The following SULF2 variants were observed in gnomAD, a reference collection of about 807,000 sequenced individuals.
SULF2 encodes the protein extracellular sulfatase Sulf-2.
Under a neutral mutation model 107.7 loss-of-function variants are expected in SULF2, and 52 were observed. That is an observed-to-expected ratio of 0.48 (90% CI 0.39 to 0.61). The LOEUF is 0.61. Among genes scored for constraint, SULF2 ranks in the 20% least tolerant of loss-of-function variants. The pLI, the probability that SULF2 is intolerant of heterozygous loss-of-function variation, is 0.00. For synonymous variants in SULF2, 460 were observed against 464.3 expected, an observed-to-expected ratio of 0.99 and a Z score of 0.12; for missense variants, 993 against 1,177.3, an observed-to-expected ratio of 0.84 and a Z score of 2.29.
intron 1 of SULF2, among the ~76,000 whole-genome samples, 155 bp from the exon 2 acceptor site, chr20:47,757,618 A>C (rs937625065): frequency 2.0e-5 from 3 of 152,186 alleles, no homozygotes; most frequent in African/African-American, 7.2e-5. Flanking sequence ...CGCTGAAGTT[A>C]GCAAAGTCTT....
intron 3 of SULF2, among the ~76,000 whole-genome samples, chr20:47,718,496 G>A (rs2146683338): frequency 6.6e-6 from 1 of 152,206 alleles, no homozygotes; most frequent in East Asian, 1.9e-4. Flanking sequence ...TGGAGCTTCT[G>A]TCCTAGAATT....
rs185759396 is a variant in SULF2, at chr20:47,708,350, C to T, written c.416-5680G>A. 7.6e-4 allele frequency among the ~76,000 whole-genome samples: 116 copies of T among 152,074 alleles called. 1 individual carries two copies. Among genetic ancestry groups the T allele is most frequent in the African/African-American group, 2.7e-3 (112 of 41,466 alleles). ...GAAGCCAGTACAAACGTGGGGGCATCGCAGAACCCAAGGGGGACAGTGAGG... is the reference window on the plus strand; with the variant it reads ...GAAGCCAGTACAAACGTGGGGGCATTGCAGAACCCAAGGGGGACAGTGAGG... On this transcript the variant is annotated intron_variant, in intron 3 of 20. Coordinates refer to ENST00000688720, the MANE Select transcript of SULF2 (RefSeq NM_001387048.1).
intron 3 of SULF2, among the ~76,000 whole-genome samples, chr20:47,705,737 G>A (rs529807579): frequency 2.0e-5 from 3 of 152,098 alleles, no homozygotes; most frequent in African/African-American, 2.4e-5. Flanking sequence ...CAGCCCCCAC[G>A]CTACAAAGAC....
chr20:47,753,846 T>C (rs1296927178), intron 2 of SULF2, among the ~76,000 whole-genome samples: 1 of 152,172 alleles, frequency 6.6e-6, no homozygotes, highest in African/African-American at 2.4e-5. Context: ...TTCTACTGCC[T>C]CCCTGAACAA....
chr20:47,774,696 GC>G (rs2090694080), intron 1 of SULF2, among the ~76,000 whole-genome samples: 1 of 152,162 alleles, frequency 6.6e-6, no homozygotes, highest in Non-Finnish European at 1.5e-5. Context: ...CAGGGGCGGT[GC>G]AGAGATTTCT....
At chr20:47,740,652 C>T (rs1319991083) in intron 2 of SULF2, among the ~76,000 whole-genome samples, 1 of 152,048 alleles carries the variant, frequency 6.6e-6, no homozygotes, top group Non-Finnish European at 1.5e-5. Flanking sequence ...AAAACAACAA[C>T]AACAACAAAC....
intron 1 of SULF2, among the ~76,000 whole-genome samples, chr20:47,761,217 C>T (rs2090411937): frequency 6.6e-6 from 1 of 152,166 alleles, no homozygotes; most frequent in Admixed American, 6.5e-5. Context: ...ATTATTAGCC[C>T]CAGAGAAAAC....
chr20:47,779,067 C>T (rs2090775159), intron 1 of SULF2, among the ~76,000 whole-genome samples: 1 of 152,202 alleles, frequency 6.6e-6, no homozygotes, highest in South Asian at 2.1e-4. Flanking sequence ...CACTCCTCCT[C>T]CCCAAAACCT....
At chr20:47,697,789 A>G (rs534865457) in intron 4 of SULF2, among the ~76,000 whole-genome samples, 60 of 152,360 alleles carry the variant, frequency 3.9e-4, no homozygotes, top group African/African-American at 1.4e-3. Context: ...GCTTAGCCCC[A>G]AAAGAATCCT....
chr20:47,723,969 CCAGA>C (rs1440439120), intron 3 of SULF2, among the ~76,000 whole-genome samples: 1 of 152,138 alleles, frequency 6.6e-6, no homozygotes, highest in Non-Finnish European at 1.5e-5. Flanking sequence ...GGCCAGTGCT[CCAGA>C]CAGAGGTAAC....
At chr20:47,734,627 G>A (rs1214594127) in intron 3 of SULF2, among the ~76,000 whole-genome samples, 1 of 152,230 alleles carries the variant, frequency 6.6e-6, no homozygotes, top group African/African-American at 2.4e-5. Context: ...ATAACAAGGA[G>A]TACACCAGTT....
chr20:47,762,120 G>T (rs1437929429), intron 1 of SULF2, among the ~76,000 whole-genome samples: 11 of 152,118 alleles, frequency 7.2e-5, no homozygotes, highest in Non-Finnish European at 1.2e-4. Flanking sequence ...CCCAGTCTCG[G>T]GTATGTCTTT....
At position 47,785,411 on chromosome 20, in the gene SULF2, G is replaced by C. The variant is rs1385735883; in HGVS notation, c.-169C>G. ...CCGCCGCCTCTGCCGCAGCCCGGCCGGGCCGCTGGGCGCAGGGGACTCCGC... is the reference window on the plus strand; with the variant it reads ...CCGCCGCCTCTGCCGCAGCCCGGCCCGGCCGCTGGGCGCAGGGGACTCCGC... On this transcript the variant is annotated 5_prime_UTR_variant, in exon 1 of 21. Coordinates refer to ENST00000688720, the MANE Select transcript of SULF2 (RefSeq NM_001387048.1). The C allele has an allele frequency of 1.4e-5, 2 of 142,540 alleles. No homozygotes were observed. The highest frequency in any genetic ancestry group is 3.1e-5 in the Non-Finnish European group (2 of 64,722). The allele number at this position is 142,540 out of a possible 1,614,324, so 8.8% of individuals were successfully genotyped here.
At chr20:47,746,982 TAAAAAA>T (rs61191776) in intron 2 of SULF2, among the ~76,000 whole-genome samples, 1,456 of 121,134 alleles carry the variant, frequency 0.012, 35 homozygotes, top group African/African-American at 0.047. Flanking sequence ...CTTAAATAAA[TAAAAAA>T]AAAAAAATAT....
chr20:47,667,395 T>C (rs1418040910), intron 11 of SULF2, among the ~76,000 whole-genome samples: 1 of 152,202 alleles, frequency 6.6e-6, no homozygotes, highest in Non-Finnish European at 1.5e-5. Flanking sequence ...GGGTGCAGGC[T>C]GAAGTGACAC....
intron 2 of SULF2, among the ~76,000 whole-genome samples, chr20:47,756,933 A>G (rs2090304006): frequency 6.6e-6 from 1 of 152,238 alleles, no homozygotes; most frequent in Non-Finnish European, 1.5e-5. Context: ...AGCATGAGCC[A>G]TAGCGCCCAG....
At chr20:47,730,945 T>C (rs1568871174) in intron 3 of SULF2, among the ~76,000 whole-genome samples, 1 of 152,210 alleles carries the variant, frequency 6.6e-6, no homozygotes, top group East Asian at 1.9e-4. Context: ...GCACAAACCA[T>C]GTGCTTTATA....
chr20:47,759,838 C>T (rs190033725), intron 1 of SULF2, among the ~76,000 whole-genome samples: 315 of 152,350 alleles, frequency 2.1e-3, no homozygotes, highest in Middle Eastern at 6.8e-3. Context: ...CATTTTATAA[C>T]CGGTTTTATT....
At chr20:47,670,903 A>G (rs2087447938) in intron 11 of SULF2, among the ~76,000 whole-genome samples, 1 of 152,198 alleles carries the variant, frequency 6.6e-6, no homozygotes, top group Middle Eastern at 3.4e-3. Flanking sequence ...AACAACACCT[A>G]AAATCTCTCA....
Sources: allele counts gnomAD v4.1 joint callset (sites outside exome capture counted in the v4.1 genomes callset), GRCh38; gene constraint gnomAD v4.1.1; transcripts MANE v1.5; gene names NCBI Gene and HGNC (gene_info 2026-07-23, HGNC 2026-07-21).